The following ARID1B variants were observed in gnomAD, a reference collection of about 807,000 sequenced individuals.
ARID1B encodes the protein AT-rich interactive domain-containing protein 1B.
In ARID1B, 30 loss-of-function variants were observed where a neutral mutation model predicts 212.3. The ratio of observed to expected loss-of-function variants is 0.14; its 90% CI spans 0.11 to 0.19. The LOEUF (loss-of-function observed/expected upper bound fraction) is 0.19, where lower values mean the gene tolerates loss of function less well. Among genes scored for constraint, ARID1B ranks in the 10% least tolerant of loss-of-function variants. The pLI is 1.00. For synonymous variants in ARID1B, 1,402 were observed against 1,301.7 expected (o/e 1.08, Z -1.66); for missense variants, 2,891 against 3,204.0 (o/e 0.90, Z 2.36).
At chr6:156,979,439 C>T (rs576085069) in intron 4 of ARID1B, among the ~76,000 whole-genome samples, 134 of 152,280 alleles carry the variant, frequency 8.8e-4, no homozygotes, top group Admixed American at 1.8e-3. Flanking sequence ...TGTTTATATT[C>T]CTTGCTGCTG....
At chr6:157,046,365 A>G (rs1181694934) in intron 4 of ARID1B, among the ~76,000 whole-genome samples, 1 of 152,144 alleles carries the variant, frequency 6.6e-6, no homozygotes, top group Non-Finnish European at 1.5e-5. Context: ...TAGGGGTCTC[A>G]CCTGATGTCT....
At chr6:157,002,994 C>T (rs910267852) in intron 4 of ARID1B, among the ~76,000 whole-genome samples, 2 of 152,014 alleles carry the variant, frequency 1.3e-5, no homozygotes, top group African/African-American at 2.4e-5. Context: ...ATGGTGTATT[C>T]CAGGAATTCC....
At chr6:157,060,630 C>CTTTTTTTTTTTTTTTTTTT (rs56870548) in intron 4 of ARID1B, among the ~76,000 whole-genome samples, 2 of 72,040 alleles carry the variant, frequency 2.8e-5, no homozygotes, top group African/African-American at 1.3e-4. Context: ...AAAATCTGAA[C>CTTTTTTTTTTTTTTTTTTT]TTTTTTTTTT....
At chr6:157,012,540 G>T (rs1214227178) in intron 4 of ARID1B, among the ~76,000 whole-genome samples, 1 of 152,210 alleles carries the variant, frequency 6.6e-6, no homozygotes, top group African/African-American at 2.4e-5. Context: ...AACTGGCCTT[G>T]GTTGTCAGTA....
At position 157,116,065 on chromosome 6, in the gene ARID1B, T is replaced by C. The variant is rs796142499; in HGVS notation, c.2581+5504T>C. 7.2e-5 allele frequency among the ~76,000 whole-genome samples: 11 copies of C among 152,342 alleles called. No homozygotes were observed. In the South Asian group the frequency reaches 2.3e-3, roughly 32 times the overall value. On this transcript the variant is annotated intron_variant, in intron 6 of 19. Transcript: ENST00000636930. ...TGTTTTATCCTTATTTCTTAATCTTTATATGTCTTGAAATTCAAAAAGAAA... is the reference window on the plus strand; with the variant it reads ...TGTTTTATCCTTATTTCTTAATCTTCATATGTCTTGAAATTCAAAAAGAAA...
intron 4 of ARID1B, among the ~76,000 whole-genome samples, chr6:156,999,798 T>G (rs11156129): frequency 0.29 from 44,163 of 152,114 alleles, 6,605 homozygotes; most frequent in Non-Finnish European, 0.32. Context: ...TTCCCAAAGT[T>G]CTGGGATTAC....
chr6:157,198,715 G>T, intron 16 of ARID1B, 96 bp from the exon 17 acceptor site: 1 of 1,063,228 alleles, frequency 9.4e-7, no homozygotes, highest in Non-Finnish European at 1.4e-6. Flanking sequence ...ACACAGAGCT[G>T]CTTGAGGGAG....
intron 4 of ARID1B, among the ~76,000 whole-genome samples, chr6:156,992,650 C>T (rs1300976771): frequency 6.6e-6 from 1 of 152,194 alleles, no homozygotes; most frequent in Non-Finnish European, 1.5e-5. Flanking sequence ...GGCCTGGGCA[C>T]TGATAAAACT....
chr6:157,073,458 T>G (rs886767261), intron 4 of ARID1B, among the ~76,000 whole-genome samples: 6 of 152,200 alleles, frequency 3.9e-5, no homozygotes, highest in African/African-American at 1.4e-4. Flanking sequence ...TTACACATTC[T>G]TTACTCAAAA....
At chr6:157,013,489 C>G (rs1451403266) in intron 4 of ARID1B, among the ~76,000 whole-genome samples, 1 of 152,184 alleles carries the variant, frequency 6.6e-6, no homozygotes, top group East Asian at 1.9e-4. Context: ...ATGCTAGGTG[C>G]ATTATTACTG....
chr6:157,181,673 G>A (rs946688569), intron 12 of ARID1B, among the ~76,000 whole-genome samples: 3 of 152,204 alleles, frequency 2.0e-5, no homozygotes, highest in Admixed American at 6.5e-5. Context: ...GACCTCCAGC[G>A]GGCTAGGCCT....
intron 4 of ARID1B, among the ~76,000 whole-genome samples, chr6:156,959,884 G>A (rs1007559623): frequency 6.6e-6 from 1 of 151,336 alleles, no homozygotes; most frequent in Non-Finnish European, 1.5e-5. Flanking sequence ...CCTGTGTGCT[G>A]GTGAAATTTT....
At chr6:156,862,998 C>A (rs1785441569) in intron 2 of ARID1B, among the ~76,000 whole-genome samples, 1 of 152,140 alleles carries the variant, frequency 6.6e-6, no homozygotes, top group Non-Finnish European at 1.5e-5. Context: ...GGGCCTGCGC[C>A]TTAGTTGCAC....
At chr6:156,848,718 G>C (rs1032837439) in intron 2 of ARID1B, among the ~76,000 whole-genome samples, 1 of 152,222 alleles carries the variant, frequency 6.6e-6, no homozygotes, top group Non-Finnish European at 1.5e-5. Flanking sequence ...CCCAAGGCCA[G>C]GCTTTTTATA....
chr6:157,182,863 TC>T (rs1180611978), intron 12 of ARID1B, among the ~76,000 whole-genome samples: 1 of 152,034 alleles, frequency 6.6e-6, no homozygotes, highest in Non-Finnish European at 1.5e-5. Flanking sequence ...GCCCCTGGAC[TC>T]CCCTGACCTT....
At position 156,778,642 on chromosome 6, in the gene ARID1B, C is replaced by T. The variant is rs1248746156; in HGVS notation, c.962C>T (p.Ala321Val). Residue 321 changes from alanine (A) to valine (V), a missense_variant, in exon 1 of 20, where the codon GCC becomes GTC. Coordinates refer to ENST00000636930, the MANE Select transcript of ARID1B (RefSeq NM_001374828.1). Reference protein sequence around the residue: ...PEFNNYYGSAAPASGGPGGRA... With the variant: ...PEFNNYYGSAVPASGGPGGRA... ...TTTAATAATTACTATGGCAGCGCTG[C>T]CCCTGCGAGCGGCGGCCCCGGCGGC... 2.0e-6 allele frequency: 3 copies of T among 1,470,656 alleles called. No individual in the cohort carries two copies. Among genetic ancestry groups the T allele is most frequent in the African/African-American group, 1.5e-5 (1 of 67,450 alleles). 91.1% of individuals were successfully genotyped at this position (1,470,656 alleles called of 1,614,324 possible).
intron 1 of ARID1B, chr6:156,780,602 A>G (rs957394861): frequency 2.0e-5 from 3 of 152,270 alleles, no homozygotes; most frequent in South Asian, 2.1e-4. Flanking sequence ...TGATGTAAAT[A>G]GAAGTGCTGA....
intron 5 of ARID1B, among the ~76,000 whole-genome samples, chr6:157,108,291 A>C (rs889079165): frequency 2.0e-5 from 3 of 152,130 alleles, no homozygotes; most frequent in African/African-American, 7.2e-5. Context: ...GAATCATGGG[A>C]TGCATTACTT....
chr6:156,794,288 C>T (rs920996164), intron 1 of ARID1B, among the ~76,000 whole-genome samples: 4 of 151,764 alleles, frequency 2.6e-5, no homozygotes, highest in South Asian at 2.1e-4. Context: ...CTTGCTCTGT[C>T]GCTCAGCCTA....
Sources: allele counts gnomAD v4.1 joint callset (sites outside exome capture counted in the v4.1 genomes callset), GRCh38; gene constraint gnomAD v4.1.1; transcripts MANE v1.5; gene names NCBI Gene and HGNC (gene_info 2026-07-23, HGNC 2026-07-21).